Variants in TEX11 observed in about 807,000 individuals in gnomAD.
The protein encoded by TEX11 is testis expressed 11, also known as testis-expressed protein 11.
A neutral mutation model predicts 84.4 loss-of-function variants in TEX11; 7 were observed. That is an observed-to-expected ratio of 0.08 (90% CI 0.05 to 0.16). The LOEUF (loss-of-function observed/expected upper bound fraction) is 0.16, where lower values mean the gene tolerates loss of function less well. Among genes scored for constraint, TEX11 ranks in the 10% least tolerant of loss-of-function variants. The pLI is 1.00. For missense variants in TEX11, 551 were observed against 660.5 expected, an observed-to-expected ratio of 0.83 and a Z score of 1.82; for synonymous variants, 264 against 222.8, an observed-to-expected ratio of 1.18 and a Z score of -1.64.
chrX:70,674,234 T>C (rs2090049730), intron 15 of TEX11, among the ~76,000 whole-genome samples: 1 of 112,598 alleles, frequency 8.9e-6, no homozygotes, highest in East Asian at 2.8e-4. Context: ...CATGATCTTT[T>C]CTTTTTTATG....
intron 9 of TEX11, among the ~76,000 whole-genome samples, chrX:70,772,094 C>A (rs1277701193): frequency 8.9e-6 from 1 of 111,917 alleles, no homozygotes; most frequent in African/African-American, 3.2e-5. Flanking sequence ...CAGACACAGG[C>A]ACTAGGTCAG....
At chrX:70,811,028 A>T (rs113172197) in intron 8 of TEX11, among the ~76,000 whole-genome samples, 2 of 111,791 alleles carry the variant, frequency 1.8e-5, no homozygotes, top group Non-Finnish European at 1.9e-5. Context: ...GTCATTTTTT[A>T]AAATTTTTTT....
At chrX:70,792,203 G>T (rs1156264077) in intron 9 of TEX11, among the ~76,000 whole-genome samples, 2 of 86,104 alleles carry the variant, frequency 2.3e-5, no homozygotes, top group Non-Finnish European at 4.4e-5. Context: ...CAGGAGAATC[G>T]CTTTAACCCA....
At chrX:70,538,291 T>G (rs2087988578) in intron 28 of TEX11, among the ~76,000 whole-genome samples, 1 of 109,218 alleles carries the variant, frequency 9.2e-6, no homozygotes, top group African/African-American at 3.3e-5. Context: ...GGAAAGGGAG[T>G]GATAGAGCAA....
intron 28 of TEX11, among the ~76,000 whole-genome samples, chrX:70,551,431 G>A (rs1363931768): frequency 9.0e-6 from 1 of 111,062 alleles, no homozygotes; most frequent in Non-Finnish European, 1.9e-5. Flanking sequence ...TTGAGGTGAT[G>A]GATACCCCAT....
rs774634588 is a variant in TEX11 at position 70,907,583 on chromosome X, G to A, written c.37+170C>T. Among the ~76,000 whole-genome samples, 9 of 111,061 alleles carry A rather than the reference G, an allele frequency of 8.1e-5. No individual in the cohort carries two copies. The South Asian group carries it at 1.9e-3, about 24-fold the overall frequency. ...TAATTTTTGTATGTTTAGTAGAGAC[G>A]CGGTTTCACCATGTTGGTCAGGCTG... On this transcript the variant is annotated intron_variant, in intron 2 of 29. Transcript: ENST00000374333.
At chrX:70,732,851 C>G (rs768354614) in intron 11 of TEX11, among the ~76,000 whole-genome samples, 75 of 111,824 alleles carry the variant, frequency 6.7e-4, no homozygotes, top group Non-Finnish European at 1.2e-3. Context: ...TAAGACAATC[C>G]TAAGCCAAAA....
intron 9 of TEX11, among the ~76,000 whole-genome samples, chrX:70,803,363 G>A (rs1443140182): frequency 1.8e-5 from 2 of 111,217 alleles, no homozygotes; most frequent in Non-Finnish European, 3.8e-5. Flanking sequence ...AAGGGAACAC[G>A]ATCAAAAGAG....
intron 28 of TEX11, among the ~76,000 whole-genome samples, chrX:70,541,797 C>A (rs1335957726): frequency 8.9e-6 from 1 of 112,058 alleles, no homozygotes; most frequent in African/African-American, 3.2e-5. Flanking sequence ...CGAGATCTCT[C>A]TGTGTTATTT....
intron 9 of TEX11, among the ~76,000 whole-genome samples, chrX:70,768,016 G>A (rs1046331917): frequency 9.0e-6 from 1 of 111,028 alleles, no homozygotes; most frequent in Non-Finnish European, 1.9e-5. Flanking sequence ...AGGTGAGGAT[G>A]ATTAATGGTT....
downstream of TEX11, among the ~76,000 whole-genome samples, chrX:70,527,026 A>G (rs1400507797): frequency 8.9e-6 from 1 of 112,218 alleles, no homozygotes; most frequent in Admixed American, 9.5e-5. Flanking sequence ...TTTTAAAAAC[A>G]TGAATAAATA....
At chrX:70,668,626 G>T (rs191144071) in intron 16 of TEX11, among the ~76,000 whole-genome samples, 156 of 112,360 alleles carry the variant, frequency 1.4e-3, no homozygotes, top group African/African-American at 4.9e-3. Context: ...AATACACCTG[G>T]TTTACTGTTC....
intron 28 of TEX11, among the ~76,000 whole-genome samples, chrX:70,548,593 T>G (rs1352556676): frequency 8.1e-5 from 9 of 110,961 alleles, no homozygotes; most frequent in Non-Finnish European, 1.7e-4. Flanking sequence ...CGAATCTGTG[T>G]GCTTGTGGAA....
intron 25 of TEX11, among the ~76,000 whole-genome samples, chrX:70,557,874 C>G (rs143576807): frequency 1.2e-4 from 13 of 112,234 alleles, no homozygotes; most frequent in African/African-American, 3.9e-4. Flanking sequence ...GGAGGCTGGG[C>G]GCAGTGGCTC....
At chrX:70,899,681 C>T (rs1472431523) in intron 2 of TEX11, among the ~76,000 whole-genome samples, 2 of 106,577 alleles carry the variant, frequency 1.9e-5, no homozygotes, top group East Asian at 5.9e-4. Context: ...ATCTGGAGGC[C>T]GAGGCAAGCA....
At chrX:70,581,605 C>A (rs2088778110) in intron 25 of TEX11, among the ~76,000 whole-genome samples, 1 of 110,897 alleles carries the variant, frequency 9.0e-6, no homozygotes, top group East Asian at 2.8e-4. Flanking sequence ...GTCCTATATA[C>A]TGTTGCTTCT....
chrX:70,530,909 C>T (rs1224706783), intron 28 of TEX11, among the ~76,000 whole-genome samples: 1 of 111,642 alleles, frequency 9.0e-6, no homozygotes, highest in Non-Finnish European at 1.9e-5. Flanking sequence ...TTAAGAGACA[C>T]AAACATTAGG....
intron 4 of TEX11, among the ~76,000 whole-genome samples, chrX:70,868,029 A>T (rs1320206848): frequency 8.9e-6 from 1 of 111,973 alleles, no homozygotes; most frequent in East Asian, 2.8e-4. Flanking sequence ...GAAAAATGGG[A>T]TCTAATTAAA....
the TEX11 span, among the ~76,000 whole-genome samples, chrX:70,513,467 T>C: frequency 9.4e-6 from 1 of 105,827 alleles, no homozygotes; most frequent in African/African-American, 3.5e-5. Context: ...ATGGCTGCCT[T>C]TTGAGATGGA....
Sources: allele counts gnomAD v4.1 joint callset (sites outside exome capture counted in the v4.1 genomes callset), GRCh38; gene constraint gnomAD v4.1.1; transcripts MANE v1.5; gene names NCBI Gene and HGNC (gene_info 2026-07-23, HGNC 2026-07-21).